The following PTPRB variants were observed in gnomAD, a reference collection of about 807,000 sequenced individuals.
PTPRB encodes receptor-type tyrosine-protein phosphatase beta.
Under a neutral mutation model 238.1 loss-of-function variants are expected in PTPRB, and 97 were observed. That is an observed-to-expected ratio of 0.41 (90% CI 0.35 to 0.48). PTPRB has a LOEUF of 0.48. Among genes scored for constraint, PTPRB ranks in the 20% least tolerant of loss-of-function variants. The probability of loss-of-function intolerance (pLI) is 0.30; values close to 1 mark genes in which losing one functional copy is unlikely to be tolerated. For missense variants in PTPRB, 2,292 were observed against 2,681.9 expected (o/e 0.85, Z 3.21); for synonymous variants, 970 against 995.4 (o/e 0.97, Z 0.48).
At chr12:70,625,747 T>C (rs1885145589) in intron 2 of PTPRB, among the ~76,000 whole-genome samples, 2 of 152,160 alleles carry the variant, frequency 1.3e-5, no homozygotes, top group South Asian at 4.1e-4. Flanking sequence ...AATGGAACAA[T>C]ATGTGAAAGC....
At chr12:70,525,683 T>C (rs1872324631) in intron 32 of PTPRB, among the ~76,000 whole-genome samples, 1 of 152,194 alleles carries the variant, frequency 6.6e-6, no homozygotes, top group Non-Finnish European at 1.5e-5. Flanking sequence ...CCCCCTTCCT[T>C]ATACTCCGTG....
intron 21 of PTPRB, among the ~76,000 whole-genome samples, chr12:70,550,756 C>T (rs2136292510): frequency 6.6e-6 from 1 of 152,154 alleles, no homozygotes; most frequent in Non-Finnish European, 1.5e-5. Flanking sequence ...TTATCTTCAC[C>T]CCTCCCCTTT....
At position 70,596,273 on chromosome 12, in the gene PTPRB, C is replaced by G; in HGVS notation, c.1034G>C (p.Ser345Thr). ...GVSKEKTTSTSLHVWWTPSSG... is the reference protein window; with the variant it reads ...GVSKEKTTSTTLHVWWTPSSG... ...AGAAGGAGTCCACCAAACATGCAAG[C>G]TGGTTGAAGTCGTCTTCTCTTTACT... is the stretch of plus-strand genomic sequence containing the variant. The change falls in exon 5 of 34, where the codon AGC becomes ACC. Residue 345 changes from serine (S) to threonine (T), a missense_variant. Coordinates refer to ENST00000334414, the MANE Select transcript of PTPRB (RefSeq NM_001109754.4). The G allele has an allele frequency of 6.2e-7, 1 of 1,611,644 alleles. No homozygotes were observed. The highest frequency in any genetic ancestry group is 1.1e-5 in the South Asian group (1 of 90,834).
intron 4 of PTPRB, 152 bp downstream of exon 4, chr12:70,608,917 G>A: frequency 1.7e-6 from 2 of 1,150,110 alleles, no homozygotes; most frequent in Admixed American, 2.6e-5. Flanking sequence ...GGCTAGATCC[G>A]AGGAAACCAG....
chr12:70,608,274 A>T (rs1279524459), intron 4 of PTPRB, among the ~76,000 whole-genome samples: 1 of 152,232 alleles, frequency 6.6e-6, no homozygotes, highest in Non-Finnish European at 1.5e-5. Context: ...GAAAATTGTT[A>T]AAGAATTTAG....
intron 15 of PTPRB, among the ~76,000 whole-genome samples, chr12:70,563,343 C>G (rs1049567861): frequency 1.6e-4 from 24 of 152,220 alleles, no homozygotes; most frequent in Non-Finnish European, 5.9e-5. Context: ...GCAACCACCT[C>G]CTTGCAAACT....
chr12:70,629,645 G>A (rs562576075), intron 2 of PTPRB, among the ~76,000 whole-genome samples: 18 of 152,148 alleles, frequency 1.2e-4, no homozygotes, highest in Admixed American at 7.9e-4. Context: ...CAAAATATCA[G>A]TGAATCCAGG....
chr12:70,627,320 G>A (rs923444365), intron 2 of PTPRB, among the ~76,000 whole-genome samples: 3 of 152,156 alleles, frequency 2.0e-5, no homozygotes. Context: ...TGGAAAGGGG[G>A]TGAATAACTT....
At chr12:70,563,166 A>G in intron 15 of PTPRB, 59 bp from the exon 16 acceptor site, 2 of 1,471,172 alleles carry the variant, frequency 1.4e-6, no homozygotes, top group Non-Finnish European at 1.9e-6. Context: ...AGAAGGGAGC[A>G]GGTGGGGAAG....
Position 70,564,884 on chromosome 12 carries a change from AT to A in PTPRB, c.3904+1550del, listed in dbSNP as rs1338709658. Among the ~76,000 whole-genome samples, 8 of 33,180 alleles carry A rather than the reference AT, an allele frequency of 2.4e-4. No individual in the cohort carries two copies. The East Asian group carries it at 5.4e-3, about 22-fold the overall frequency. The allele number at this position is 33,180 out of a possible 152,430, so 21.8% of individuals were successfully genotyped here. ...AATAATAATAATAATAATAATAATA[AT>A]AATAAATAGATAGATAAAATTGTAA... On this transcript the variant is annotated intron_variant, in intron 15 of 33. Transcript: ENST00000334414.
intron 2 of PTPRB, among the ~76,000 whole-genome samples, chr12:70,630,428 A>G (rs1159620782): frequency 6.6e-6 from 1 of 152,186 alleles, no homozygotes; most frequent in Non-Finnish European, 1.5e-5. Flanking sequence ...TCAAAATAAT[A>G]AGAGCTATTT....
chr12:70,629,934 G>A (rs1885371595), intron 2 of PTPRB, among the ~76,000 whole-genome samples: 1 of 152,142 alleles, frequency 6.6e-6, no homozygotes, highest in South Asian at 2.1e-4. Flanking sequence ...AACAGGTTCT[G>A]AAATTGAGGC....
chr12:70,614,399 A>T (rs1048178867), intron 3 of PTPRB, among the ~76,000 whole-genome samples: 2 of 152,144 alleles, frequency 1.3e-5, no homozygotes, highest in Non-Finnish European at 2.9e-5. Flanking sequence ...GATGACTTAG[A>T]AGAACAATTT....
In PTPRB at chr12:70,540,877, T is replaced by C; in HGVS notation, c.5575A>G (p.Ile1859Val). 6.2e-7 allele frequency: 1 copy of C among 1,602,668 alleles called. No individual in the cohort carries two copies. The highest frequency in any genetic ancestry group is 1.1e-5 in the South Asian group (1 of 88,370). Residue 1859 changes from isoleucine to valine, a missense_variant, in exon 23 of 34, where the codon ATC (isoleucine) becomes GTC (valine). Ile to Val is a conservative substitution (Grantham distance 29). This residue lies in a region of PTPRB where 397 missense variants were observed against 502.0 expected (regional missense o/e 0.79). Coordinates refer to ENST00000334414, the MANE Select transcript of PTPRB (RefSeq NM_001109754.4). ...ACTTACCTCACTTTCTGTCTGCAGATCAATAAGGCAACAACAGCCACTAGC... is the reference window on the plus strand; with the variant it reads ...ACTTACCTCACTTTCTGTCTGCAGACCAATAAGGCAACAACAGCCACTAGC... ...GMLVAVVALL[I>V]CRQKVSHGRE...
At position 70,536,136 on chromosome 12, in the gene PTPRB, G is replaced by A; in HGVS notation, c.5970C>T (p.Tyr1990=). The change falls in exon 29 of 34, where the codon TAC becomes TAT. Residue 1990 remains tyrosine, a synonymous_variant. Transcript: ENST00000334414. ...CAGGAAGCGGTCCCTGAGTGACAAT[G>A]TATTCTCTTCTGAAGTTGTTGCCCT... The part of the protein sequence containing the change: ...YIPGNNFRRE[Y]IVTQGPLPGT... The A allele has an allele frequency of 1.2e-6, 2 of 1,613,674 alleles. No homozygotes were observed. The highest frequency in any genetic ancestry group is 1.7e-6 in the Non-Finnish European group (2 of 1,179,736).
chr12:70,600,835 A>G (rs1883413944), intron 4 of PTPRB, among the ~76,000 whole-genome samples: 1 of 151,878 alleles, frequency 6.6e-6, no homozygotes, highest in African/African-American at 2.4e-5. Flanking sequence ...AGCCAGGACC[A>G]CAGGTGCACA....
At chr12:70,522,638 T>G (rs1346738012) in intron 33 of PTPRB, 1 of 151,814 alleles carries the variant, frequency 6.6e-6, no homozygotes, top group Non-Finnish European at 1.5e-5. Flanking sequence ...AAGGTTTGTG[T>G]TTTTTTTCTA....
intron 20 of PTPRB, among the ~76,000 whole-genome samples, chr12:70,554,090 G>A (rs1592458124): frequency 6.6e-6 from 1 of 152,342 alleles, no homozygotes; most frequent in Admixed American, 6.5e-5. Context: ...ATTATGTGGT[G>A]TGAGGAAATC....
chr12:70,586,324 T>C (rs1293189079), intron 9 of PTPRB, among the ~76,000 whole-genome samples: 1 of 152,220 alleles, frequency 6.6e-6, no homozygotes, highest in Non-Finnish European at 1.5e-5. Flanking sequence ...TTCTTGACTT[T>C]TTAATGATCG....
Sources: allele counts gnomAD v4.1 joint callset (sites outside exome capture counted in the v4.1 genomes callset), GRCh38; gene constraint gnomAD v4.1.1; regional missense constraint gnomAD v4.1.1; transcripts MANE v1.5; gene names NCBI Gene and HGNC (gene_info 2026-07-23, HGNC 2026-07-21).